FSTL5: variants seen among roughly 807,000 people sequenced by gnomAD.
The protein encoded by FSTL5 is follistatin like 5, also known as follistatin-related protein 5.
FSTL5 carries 62 observed loss-of-function variants against 89.1 expected under a neutral mutation model. The observed-to-expected ratio is 0.70, with a 90% CI of 0.57 to 0.86. FSTL5 has a LOEUF of 0.86. Among genes scored for constraint, FSTL5 ranks in the 40% least tolerant of loss-of-function variants. The probability of loss-of-function intolerance (pLI) is 0.00; values close to 1 mark genes in which losing one functional copy is unlikely to be tolerated. For missense variants in FSTL5, 1,057 were observed against 1,001.6 expected (o/e 1.06, Z -0.75); for synonymous variants, 383 against 346.2 (o/e 1.11, Z -1.18).
chr4:161,425,019 A>G (rs1732124264), intron 15 of FSTL5, among the ~76,000 whole-genome samples: 3 of 152,188 alleles, frequency 2.0e-5, no homozygotes, highest in African/African-American at 7.2e-5. Context: ...TGAGCTCTTC[A>G]TTACATTTTG....
chr4:161,888,217 G>T (rs1233288286), intron 4 of FSTL5, among the ~76,000 whole-genome samples: 1 of 152,056 alleles, frequency 6.6e-6, no homozygotes, highest in Non-Finnish European at 1.5e-5. Flanking sequence ...CTGAGTTTTG[G>T]CTGGTGAAAA....
At chr4:161,619,217 G>A (rs1735013640) in intron 7 of FSTL5, among the ~76,000 whole-genome samples, 1 of 152,050 alleles carries the variant, frequency 6.6e-6, no homozygotes, top group African/African-American at 2.4e-5. Flanking sequence ...TTAAACGTTA[G>A]ACCTAAAACC....
intron 6 of FSTL5, among the ~76,000 whole-genome samples, chr4:161,715,665 C>G (rs1042150028): frequency 6.6e-6 from 1 of 152,158 alleles, no homozygotes; most frequent in African/African-American, 2.4e-5. Flanking sequence ...CAAGTTCCAT[C>G]TCAATAGCTC....
intron 12 of FSTL5, among the ~76,000 whole-genome samples, chr4:161,487,513 A>G (rs1304859555): frequency 6.6e-6 from 1 of 152,148 alleles, no homozygotes; most frequent in African/African-American, 2.4e-5. Context: ...CTACTTTAAC[A>G]GTATTTAAAC....
intron 3 of FSTL5, among the ~76,000 whole-genome samples, chr4:161,945,105 T>C (rs1454085951): frequency 6.6e-6 from 1 of 152,172 alleles, no homozygotes. Context: ...CATCTCAGTC[T>C]ACTTATAATA....
intron 4 of FSTL5, among the ~76,000 whole-genome samples, chr4:161,877,666 A>G (rs1732490462): frequency 6.6e-6 from 1 of 151,646 alleles, no homozygotes; most frequent in African/African-American, 2.4e-5. Flanking sequence ...TTCTACTAAA[A>G]ATACAAAAAA....
chr4:161,468,593 G>T (rs1733828736), intron 13 of FSTL5, among the ~76,000 whole-genome samples: 1 of 152,058 alleles, frequency 6.6e-6, no homozygotes, highest in Non-Finnish European at 1.5e-5. Flanking sequence ...CACATTTTTA[G>T]ATTAACAAGA....
At chr4:162,049,397 T>C (rs780636038) in intron 2 of FSTL5, among the ~76,000 whole-genome samples, 3 of 152,206 alleles carry the variant, frequency 2.0e-5, no homozygotes, top group African/African-American at 4.8e-5. Context: ...TGATTACATA[T>C]ACTTGCTCAC....
rs146038937 is a variant in FSTL5, at chr4:161,649,447, A to G, written c.894+6881T>C. ...GTGTCAATAAACAAATAAATAAAGC[A>G]TAATTAAGAAGAGGCCTATAAAAGC... On this transcript the variant is annotated intron_variant, in intron 7 of 15. Coordinates refer to ENST00000306100, the MANE Select transcript of FSTL5 (RefSeq NM_020116.5). Among the ~76,000 whole-genome samples, 913 of 152,324 alleles carry G rather than the reference A, an allele frequency of 6.0e-3. 9 individuals are homozygous for G. Among genetic ancestry groups the G allele is most frequent in the South Asian group, 0.045 (219 of 4,824 alleles).
chr4:162,073,579 T>A (rs1049924181), intron 2 of FSTL5, among the ~76,000 whole-genome samples: 6 of 151,720 alleles, frequency 4.0e-5, no homozygotes, highest in African/African-American at 1.4e-4. Context: ...ATTTTGAAAA[T>A]ATGCTCCTGA....
chr4:161,437,570 A>AAAAAAAAAAAAAAAAAAAAAAAC (rs1732611186), intron 15 of FSTL5, among the ~76,000 whole-genome samples: 1 of 113,018 alleles, frequency 8.8e-6, no homozygotes, highest in East Asian at 2.2e-4. Flanking sequence ...CGTCTCAAAA[A>AAAAAAAAAAAAAAAAAAAAAAAC]AAAAAAAAAA....
chr4:161,814,945 AC>A (rs1395242147), intron 4 of FSTL5, among the ~76,000 whole-genome samples: 3 of 152,078 alleles, frequency 2.0e-5, no homozygotes, highest in African/African-American at 7.2e-5. Context: ...ATAGATGCCA[AC>A]TATACATCTA....
intron 1 of FSTL5, among the ~76,000 whole-genome samples, chr4:162,130,188 C>G (rs72986910): frequency 1.3e-5 from 2 of 152,072 alleles, no homozygotes; most frequent in African/African-American, 4.8e-5. Context: ...TGGAAAAACT[C>G]TCTTTTTGTT....
chr4:161,774,213 C>T (rs1386267089), intron 5 of FSTL5, among the ~76,000 whole-genome samples: 1 of 152,050 alleles, frequency 6.6e-6, no homozygotes, highest in Non-Finnish European at 1.5e-5. Flanking sequence ...ACTATAGAAG[C>T]AGATTGGTGT....
chr4:161,657,176 T>C (rs1324898744), intron 6 of FSTL5, among the ~76,000 whole-genome samples: 1 of 152,206 alleles, frequency 6.6e-6, no homozygotes, highest in Non-Finnish European at 1.5e-5. Context: ...TTATTTGAAA[T>C]CTGCATATGG....
Position 161,542,531 on chromosome 4 carries a change from C to A in FSTL5, c.1177+1G>T, listed in dbSNP as rs1419663366. 1 of 1,465,500 alleles carries A rather than the reference C, an allele frequency of 6.8e-7. No homozygotes were observed. The highest frequency in any genetic ancestry group is 9.1e-7 in the Non-Finnish European group (1 of 1,099,818). The allele number at this position is 1,465,500 out of a possible 1,614,324, so 90.8% of individuals were successfully genotyped here. On this transcript the variant is annotated splice_donor_variant, in intron 9 of 15. Transcript: ENST00000306100. LOFTEE classifies it high-confidence loss of function. ...GAGAAAAAAAAGCAAGTAAAAAGCA[C>A]CTTGAAGCGTGAGTTGTTTGGAAAG...
intron 5 of FSTL5, among the ~76,000 whole-genome samples, chr4:161,775,482 T>G (rs1419801158): frequency 6.6e-6 from 1 of 152,198 alleles, no homozygotes; most frequent in Admixed American, 6.5e-5. Flanking sequence ...TTGTTATAAA[T>G]GTGCTCAGTT....
At chr4:162,097,906 T>C (rs540217237) in intron 2 of FSTL5, among the ~76,000 whole-genome samples, 2 of 152,036 alleles carry the variant, frequency 1.3e-5, no homozygotes, top group Admixed American at 6.6e-5. Flanking sequence ...GGTCTGGTAG[T>C]TTCTTATTTT....
intron 3 of FSTL5, among the ~76,000 whole-genome samples, chr4:162,009,270 C>G: frequency 6.6e-6 from 1 of 152,122 alleles, no homozygotes; most frequent in South Asian, 2.1e-4. Flanking sequence ...TTAGAAGGCA[C>G]TAATTTGCAC....
Sources: allele counts gnomAD v4.1 joint callset (sites outside exome capture counted in the v4.1 genomes callset), GRCh38; gene constraint gnomAD v4.1.1; transcripts MANE v1.5; gene names NCBI Gene and HGNC (gene_info 2026-07-23, HGNC 2026-07-21).